Variants in PARK7 observed in about 807,000 individuals in gnomAD.
The protein encoded by PARK7 is Parkinsonism associated deglycase, also known as Parkinson disease protein 7.
PARK7 carries 14 observed loss-of-function variants against 20.5 expected under a neutral mutation model. The observed-to-expected ratio is 0.68, with a 90% CI of 0.45 to 1.07. PARK7 has a LOEUF of 1.07. PARK7 is among the 50% of genes least tolerant of loss of function. The pLI, the probability that PARK7 is intolerant of heterozygous loss-of-function variation, is 0.00. For synonymous variants in PARK7, 98 were observed against 84.3 expected, an observed-to-expected ratio of 1.16 and a Z score of -0.89; for missense variants, 234 against 238.1, an observed-to-expected ratio of 0.98 and a Z score of 0.11.
intron 3 of PARK7, among the ~76,000 whole-genome samples, chr1:7,967,676 T>C (rs575859379): frequency 8.5e-5 from 13 of 152,264 alleles, no homozygotes; most frequent in African/African-American, 2.4e-4. Flanking sequence ...CCTAGCACTT[T>C]GTGAGGCTGA....
At chr1:7,974,066 T>A (rs1415289169) in intron 5 of PARK7, among the ~76,000 whole-genome samples, 1 of 151,586 alleles carries the variant, frequency 6.6e-6, no homozygotes, top group Non-Finnish European at 1.5e-5. Flanking sequence ...TCCTAGCACT[T>A]TGGGAGACTG....
At chr1:7,963,574 C>G (rs161815) in intron 2 of PARK7, among the ~76,000 whole-genome samples, 62,055 of 151,200 alleles carry the variant, frequency 0.41, 14,439 homozygotes, top group Non-Finnish European at 0.53. Context: ...GGGGTTTCAC[C>G]ATGTTGGCCA....
At chr1:7,968,324 GAAAA>G (rs1557443731) in intron 3 of PARK7, among the ~76,000 whole-genome samples, 1 of 144,628 alleles carries the variant, frequency 6.9e-6, no homozygotes, top group Non-Finnish European at 1.5e-5. Context: ...AAAAAGAAAA[GAAAA>G]ATAAATAAAT....
At chr1:7,971,997 A>AT (rs1640475972) in intron 5 of PARK7, 1 of 152,232 alleles carries the variant, frequency 6.6e-6, no homozygotes, top group Non-Finnish European at 1.5e-5. Context: ...AAACGAATGA[A>AT]TGAGTGGATG....
At chr1:7,969,873 C>T (rs566889334) in intron 4 of PARK7, among the ~76,000 whole-genome samples, 7 of 152,158 alleles carry the variant, frequency 4.6e-5, no homozygotes, top group South Asian at 2.1e-4. Flanking sequence ...CCACCACTCC[C>T]GACCTCAAGA....
At chr1:7,981,998 C>T (rs867017059) in intron 6 of PARK7, among the ~76,000 whole-genome samples, 30 of 87,776 alleles carry the variant, frequency 3.4e-4, no homozygotes, top group Middle Eastern at 0.012. Flanking sequence ...TTTTTTGAGA[C>T]GGAGTCTTGC....
intron 2 of PARK7, among the ~76,000 whole-genome samples, chr1:7,964,705 A>G (rs1640289619): frequency 6.6e-6 from 1 of 152,196 alleles, no homozygotes; most frequent in Non-Finnish European, 1.5e-5. Context: ...AGTGTAGGAA[A>G]ATTCCCACTT....
chr1:7,968,047 C>A (rs371380869), intron 3 of PARK7, among the ~76,000 whole-genome samples: 1 of 151,958 alleles, frequency 6.6e-6, no homozygotes, highest in African/African-American at 2.4e-5. Context: ...CAGTGGTTCA[C>A]GCCTGTAATC....
chr1:7,977,905 GCATGC>G (rs1220560658), intron 6 of PARK7, among the ~76,000 whole-genome samples, 167 bp downstream of exon 6: 3 of 150,446 alleles, frequency 2.0e-5, no homozygotes, highest in East Asian at 3.9e-4. Context: ...GATTACAGGC[GCATGC>G]CATCACACCC....
At position 7,970,856 on chromosome 1, in the gene PARK7, A is replaced by T. The variant is rs919044107; in HGVS notation, c.253-38A>T. The T allele has an allele frequency of 1.9e-6, 3 of 1,606,704 alleles. No individual in the cohort carries two copies. The African/African-American group carries it at 4.0e-5, about 21-fold the overall frequency. On this transcript the variant is annotated intron_variant, in intron 4 of 6. Transcript: ENST00000338639. ...TAGTGAGTGATTGGTTAGTGGCTTA[A>T]TGATAACTTTATGTATTTTTGGTTT...
At chr1:7,982,053 C>T (rs1216283324) in intron 6 of PARK7, among the ~76,000 whole-genome samples, 1 of 144,966 alleles carries the variant, frequency 6.9e-6, no homozygotes, top group Non-Finnish European at 1.5e-5. Flanking sequence ...CGGCTCACTG[C>T]AACCTCCGCC....
chr1:7,975,150 A>G (rs536568310), intron 5 of PARK7, among the ~76,000 whole-genome samples: 38 of 152,264 alleles, frequency 2.5e-4, no homozygotes, highest in African/African-American at 9.1e-4. Context: ...CACCGCACCC[A>G]GCCAAGATTA....
At chr1:7,978,224 C>T (rs1163216891) in intron 6 of PARK7, among the ~76,000 whole-genome samples, 1 of 151,616 alleles carries the variant, frequency 6.6e-6, no homozygotes, top group Non-Finnish European at 1.5e-5. Context: ...TCTTGAACTT[C>T]TGACCTTGTG....
rs1640237155 is a variant in PARK7 at position 7,962,804 on chromosome 1, C to G, written c.19C>G (p.Leu7Val). 1 of 1,602,016 alleles carries G rather than the reference C, an allele frequency of 6.2e-7. No individual in the cohort carries two copies. The highest frequency in any genetic ancestry group is 1.1e-5 in the South Asian group (1 of 90,830). The change falls in exon 2 of 7, where the codon CTG becomes GTG. Residue 7 changes from leucine (L) to valine (V), a missense_variant. Coordinates refer to ENST00000338639, the MANE Select transcript of PARK7 (RefSeq NM_007262.5). ...CATAAAAATGGCTTCCAAAAGAGCT[C>G]TGGTCATCCTGGCTAAAGGAGCAGA... MASKRA[L>V]VILAKGAEEM...
intron 5 of PARK7, among the ~76,000 whole-genome samples, chr1:7,975,675 T>C (rs1171063993): frequency 2.0e-5 from 3 of 152,162 alleles, no homozygotes; most frequent in Non-Finnish European, 1.5e-5. Context: ...AACTGTAACA[T>C]AAATTTATTC....
At chr1:7,968,619 G>A (rs987081839) in intron 3 of PARK7, among the ~76,000 whole-genome samples, 7 of 151,968 alleles carry the variant, frequency 4.6e-5, no homozygotes, top group Non-Finnish European at 1.0e-4. Flanking sequence ...AGGTTCAAGC[G>A]ATTCTCCTGC....
At chr1:7,970,065 C>T (rs1240307256) in intron 4 of PARK7, among the ~76,000 whole-genome samples, 1 of 151,924 alleles carries the variant, frequency 6.6e-6, no homozygotes, top group Non-Finnish European at 1.5e-5. Flanking sequence ...CACGGTGGTG[C>T]ACACTTGTAG....
At chr1:7,975,509 G>T (rs998047498) in intron 5 of PARK7, among the ~76,000 whole-genome samples, 1 of 152,208 alleles carries the variant, frequency 6.6e-6, no homozygotes, top group Non-Finnish European at 1.5e-5. Context: ...GCACTGTAGT[G>T]CAGAGTACAG....
At chr1:7,971,047 T>C in intron 5 of PARK7, 84 bp downstream of exon 5, 1 of 1,418,928 alleles carries the variant, frequency 7.0e-7, no homozygotes, top group Non-Finnish European at 1.0e-6. Flanking sequence ...CAAATAGCTC[T>C]TCCCCTTCAT....
Sources: allele counts gnomAD v4.1 joint callset (sites outside exome capture counted in the v4.1 genomes callset), GRCh38; gene constraint gnomAD v4.1.1; transcripts MANE v1.5; gene names NCBI Gene and HGNC (gene_info 2026-07-23, HGNC 2026-07-21).